Variants in SNRNP70 observed in about 807,000 individuals in gnomAD.
SNRNP70 encodes the protein small nuclear ribonucleoprotein U1 subunit 70, also known as U1 small nuclear ribonucleoprotein 70 kDa.
SNRNP70 carries 8 observed loss-of-function variants against 50.5 expected under a neutral mutation model. That is an observed-to-expected ratio of 0.16 (90% CI 0.09 to 0.29). The LOEUF is 0.29. Among genes scored for constraint, SNRNP70 ranks in the 10% least tolerant of loss-of-function variants. The pLI is 1.00. For missense variants in SNRNP70, 529 were observed against 663.5 expected (o/e 0.80, Z 2.23); for synonymous variants, 320 against 252.9 (o/e 1.27, Z -2.52).
rs1377536877 is a variant in SNRNP70 at position 49,098,504 on chromosome 19, C to T, written c.330+13C>T. On this transcript the variant is annotated intron_variant, in intron 5 of 9. Transcript: ENST00000598441. ...CGTGGCGAGAGTGGTAAGTCCCCAGCTCCTAGCTCCTGGAACCCCACGCTG... is the reference window on the plus strand; with the variant it reads ...CGTGGCGAGAGTGGTAAGTCCCCAGTTCCTAGCTCCTGGAACCCCACGCTG... 3 of 1,612,094 alleles carry T rather than the reference C, an allele frequency of 1.9e-6. No homozygotes were observed. The highest frequency in any genetic ancestry group is 1.7e-5 in the Admixed American group (1 of 59,912).
At position 49,100,796 on chromosome 19, in the gene SNRNP70, A is replaced by G. The variant is rs200823824; in HGVS notation, c.394-594A>G. On this transcript the variant is annotated intron_variant, in intron 6 of 9. Coordinates refer to ENST00000598441, the MANE Select transcript of SNRNP70 (RefSeq NM_003089.6). ...ACTCTAGCCTGGGCAACAGAGCAAG[A>G]CTCTGTCTCCAAAAAAAAAAAAAAA... Among the ~76,000 whole-genome samples, 41 of 125,390 alleles carry G rather than the reference A, an allele frequency of 3.3e-4. No homozygotes were observed. The East Asian group carries it at 8.3e-3, about 25-fold the overall frequency. 82.3% of individuals were successfully genotyped at this position (125,390 alleles called of 152,430 possible).
intron 7 of SNRNP70, 200 bp downstream of exon 7, chr19:49,101,671 CGT>C (rs375331090): frequency 8.2e-3 from 4,481 of 548,820 alleles, no homozygotes; most frequent in Middle Eastern, 0.015. Context: ...TCCCCCACAA[CGT>C]GTGTGTGTGT....
intron 6 of SNRNP70, among the ~76,000 whole-genome samples, 175 bp from the exon 7 acceptor site, chr19:49,101,215 C>A (rs560474744): frequency 6.6e-6 from 1 of 152,370 alleles, no homozygotes; most frequent in East Asian, 1.9e-4. Context: ...CTCCAGGAAG[C>A]CGCCTCTGTG....
chr19:49,102,417 G>T, intron 7 of SNRNP70: 1 of 284,808 alleles, frequency 3.5e-6, no homozygotes, highest in Non-Finnish European at 7.2e-6. Context: ...GAAAGGCGGC[G>T]GCCTCTCCGC....
chr19:49,108,429 G>C lies in SNRNP70; in HGVS notation c.1300G>C (p.Ala434Pro). The C allele has an allele frequency of 6.2e-7, 1 of 1,604,778 alleles. No homozygotes were observed. Among genetic ancestry groups the C allele is most frequent in the South Asian group, 1.1e-5 (1 of 89,380 alleles). Residue 434 changes from alanine (A) to proline (P), a missense_variant, in exon 10 of 10, where the codon GCT (alanine) becomes CCT (proline). Physicochemically the swap from Ala to Pro is conservative, Grantham distance 27. Around this residue, in one of 4 missense-constraint regions of SNRNP70, gnomAD observed 327 missense variants for 308.8 expected, o/e 1.06. Coordinates refer to ENST00000598441, the MANE Select transcript of SNRNP70 (RefSeq NM_003089.6). Reference sequence around the variant, plus strand: ...TCCGGAGAATGGGTATTTGATGGAGGCTGCGCCGGAGTGAAGAGGTCGTCC... The same window carrying C: ...TCCGGAGAATGGGTATTTGATGGAGCCTGCGCCGGAGTGAAGAGGTCGTCC... ...LAPENGYLME[A>P]APE
chr19:49,087,380 T>C (rs1372932464), intron 2 of SNRNP70, among the ~76,000 whole-genome samples: 1 of 152,120 alleles, frequency 6.6e-6, no homozygotes, highest in African/African-American at 2.4e-5. Context: ...ATAATGTTGG[T>C]GGAGAATTAA....
chr19:49,102,216 C>G, intron 7 of SNRNP70: 3 of 1,280,032 alleles, frequency 2.3e-6, no homozygotes, highest in Admixed American at 2.3e-5. Context: ...CACTCAGCAC[C>G]GCACACCAGC....
At position 49,104,796 on chromosome 19, in the gene SNRNP70, C is replaced by T; in HGVS notation, c.577+61C>T. ...CCCTGGGCCTGGTGGCCTTGTTCTC[C>T]CTTCTCTGCTGCTTTCTGCTTCTCT... On this transcript the variant is annotated intron_variant, in intron 8 of 9. Transcript: ENST00000598441. The surrounding 1 kb of genome is among the most constrained non-coding windows in gnomAD (Gnocchi z 5.4). 1 of 1,058,276 alleles carries T rather than the reference C, an allele frequency of 9.4e-7. No individual in the cohort carries two copies. Among genetic ancestry groups the T allele is most frequent in the Non-Finnish European group, 1.3e-6 (1 of 743,286 alleles). 65.6% of individuals were successfully genotyped at this position (1,058,276 alleles called of 1,614,324 possible).
At position 49,108,080 on chromosome 19, in the gene SNRNP70, G is replaced by C; in HGVS notation, c.951G>C (p.Ala317=). The C allele has an allele frequency of 1.9e-6, 3 of 1,555,086 alleles. No individual in the cohort carries two copies. Among genetic ancestry groups the C allele is most frequent in the East Asian group, 2.4e-5 (1 of 42,296 alleles). The part of the protein sequence containing the change: ...EELRGGGGDM[A]EPSEAGDAPP... ...TGCGTGGCGGCGGTGGCGACATGGC[G>C]GAGCCCTCCGAGGCGGGTGACGCGC... Residue 317 remains alanine, a synonymous_variant, in exon 10 of 10, where the codon GCG becomes GCC. Coordinates refer to ENST00000598441, the MANE Select transcript of SNRNP70 (RefSeq NM_003089.6).
chr19:49,095,652 CTT>C (rs1568419671), intron 4 of SNRNP70, among the ~76,000 whole-genome samples: 1 of 150,636 alleles, frequency 6.6e-6, no homozygotes, highest in African/African-American at 2.4e-5. Context: ...ATTCTCTTGT[CTT>C]AGTCTCCTGA....
chr19:49,097,654 A>G (rs951787616), intron 4 of SNRNP70, among the ~76,000 whole-genome samples: 5 of 152,232 alleles, frequency 3.3e-5, no homozygotes, highest in Non-Finnish European at 1.5e-5. Flanking sequence ...AGTCAGGGTC[A>G]TTATGTGCTG....
At chr19:49,100,018 C>G (rs1212274330) in intron 6 of SNRNP70, among the ~76,000 whole-genome samples, 1 of 152,226 alleles carries the variant, frequency 6.6e-6, no homozygotes, top group African/African-American at 2.4e-5. Flanking sequence ...CCACCCTTGT[C>G]CCTCTGATCC....
chr19:49,086,590 T>C, intron 2 of SNRNP70, 29 bp downstream of exon 2: 1 of 1,609,714 alleles, frequency 6.2e-7, no homozygotes, highest in Admixed American at 1.7e-5. Context: ...CCAGGAATGG[T>C]TTGGGTTCTG....
chr19:49,096,674 G>A (rs994764808), intron 4 of SNRNP70, among the ~76,000 whole-genome samples: 36 of 151,988 alleles, frequency 2.4e-4, no homozygotes, highest in African/African-American at 8.0e-4. Flanking sequence ...GGCTGAGGCA[G>A]GAGAATCGCT....
chr19:49,091,446 CTTACTA>C (rs1242979742), intron 4 of SNRNP70, among the ~76,000 whole-genome samples: 1 of 152,084 alleles, frequency 6.6e-6, no homozygotes, highest in Non-Finnish European at 1.5e-5. Context: ...TGCACAAATA[CTTACTA>C]TTGTGTTAGG....
chr19:49,086,543 G>A lies in SNRNP70; in HGVS notation c.129G>A (p.Pro43=), dbSNP rs914519846. 8 of 1,613,616 alleles carry A rather than the reference G, an allele frequency of 5.0e-6. No homozygotes were observed. The African/African-American group carries it at 6.7e-5, about 13-fold the overall frequency. Residue 43 remains proline, a synonymous_variant, in exon 2 of 10, where the codon CCG becomes CCA. Transcript: ENST00000598441. ...HHNQPYCGIA[P]YIREFEDPRD... ...ATCAACCTTATTGTGGCATTGCGCC[G>A]TACATTCGAGAGTTTGAGGTGAGTT... is the stretch of plus-strand genomic sequence containing the variant.
At chr19:49,102,031 A>C in intron 7 of SNRNP70, 1 of 537,776 alleles carries the variant, frequency 1.9e-6, no homozygotes, top group Non-Finnish European at 2.8e-6. Flanking sequence ...CCACATGGGC[A>C]GGGATGGGTG....
intron 4 of SNRNP70, among the ~76,000 whole-genome samples, chr19:49,094,591 G>T (rs867923864): frequency 2.6e-5 from 4 of 152,132 alleles, no homozygotes; most frequent in African/African-American, 9.7e-5. Flanking sequence ...TCGTTATACT[G>T]CTCTGCCTCC....
Position 49,107,727 on chromosome 19 carries a change from C to T in SNRNP70, c.665+15C>T, listed in dbSNP as rs1281183526. On this transcript the variant is annotated intron_variant, in intron 9 of 9. Transcript: ENST00000598441. This position sits in a 1 kb window ranked among gnomAD's most constrained non-coding sequence, Gnocchi z 6.0. ...TACGATGAGAGGTAAGATTGGGCGA[C>T]CGGTGTCCTGGGGTGGGGGGCGGTC... is the stretch of plus-strand genomic sequence containing the variant. 1 of 1,613,826 alleles carries T rather than the reference C, an allele frequency of 6.2e-7. No individual in the cohort carries two copies. The highest frequency in any genetic ancestry group is 1.7e-5 in the Admixed American group (1 of 60,016).
Sources: gnomAD v4.1 joint callset for allele counts (sites outside exome capture counted in the v4.1 genomes callset) on GRCh38, gnomAD v4.1.1 for gene constraint, gnomAD v4.1.1 regional missense constraint, Gnocchi (gnomAD v3.1) non-coding constraint, MANE v1.5 for transcripts, NCBI Gene and HGNC (gene_info 2026-07-23, HGNC 2026-07-21) for gene names.